The following MTA3 variants were observed in gnomAD, a reference collection of about 807,000 sequenced individuals.
MTA3 encodes the protein metastasis-associated protein MTA3.
MTA3 carries 34 observed loss-of-function variants against 83.5 expected under a neutral mutation model. That is an observed-to-expected ratio of 0.41 (90% CI 0.31 to 0.54). The LOEUF (loss-of-function observed/expected upper bound fraction) is 0.54, where lower values mean the gene tolerates loss of function less well. Ranked by LOEUF, MTA3 falls within the 20% of genes least tolerant of loss-of-function variation. The pLI is 0.33. For missense variants in MTA3, 761 were observed against 726.4 expected (o/e 1.05, Z -0.55); for synonymous variants, 303 against 252.7 (o/e 1.20, Z -1.89).
At chr2:42,669,879 GA>G (rs1221156877) in intron 8 of MTA3, among the ~76,000 whole-genome samples, 2 of 152,190 alleles carry the variant, frequency 1.3e-5, no homozygotes, top group Non-Finnish European at 2.9e-5. Context: ...GGGAGAAATA[GA>G]AAGAGAATTG....
intron 16 of MTA3, among the ~76,000 whole-genome samples, chr2:42,747,158 C>T (rs990427398): frequency 2.0e-5 from 3 of 152,100 alleles, no homozygotes; most frequent in African/African-American, 7.2e-5. Flanking sequence ...TGCCACCATT[C>T]CCAGCTAATT....
chr2:42,528,660 C>G (rs982259334), intron 2 of MTA3, among the ~76,000 whole-genome samples: 1 of 152,202 alleles, frequency 6.6e-6, no homozygotes, highest in Non-Finnish European at 1.5e-5. Context: ...GTGTGATCTT[C>G]GGAAAATTGC....
intron 5 of MTA3, among the ~76,000 whole-genome samples, chr2:42,641,023 C>A (rs1395687101): frequency 6.6e-6 from 1 of 152,124 alleles, no homozygotes; most frequent in African/African-American, 2.4e-5. Flanking sequence ...TCTCATGCTT[C>A]AGCCTCCTGA....
chr2:42,594,248 T>C (rs1298184839), intron 3 of MTA3, among the ~76,000 whole-genome samples: 384 of 31,982 alleles, frequency 0.012, 1 homozygote, highest in African/African-American at 0.065. Flanking sequence ...AGGCCCCTTT[T>C]TTTTTTTTTT....
chr2:42,748,001 A>G (rs1383994881), intron 16 of MTA3, among the ~76,000 whole-genome samples: 3 of 151,082 alleles, frequency 2.0e-5, no homozygotes, highest in African/African-American at 7.3e-5. Flanking sequence ...GTTTTTTGCC[A>G]CTATAGATTC....
At chr2:42,680,930 C>T (rs564743556) in intron 8 of MTA3, among the ~76,000 whole-genome samples, 2 of 151,784 alleles carry the variant, frequency 1.3e-5, no homozygotes, top group East Asian at 1.9e-4. Context: ...TTTGTAGAGA[C>T]GGGGTTTCAC....
At chr2:42,640,302 AATTT>A in intron 5 of MTA3, 66 bp downstream of exon 5, 2 of 1,135,890 alleles carry the variant, frequency 1.8e-6, no homozygotes, top group South Asian at 1.4e-5. Context: ...CTTTCCTTGG[AATTT>A]ATTTCTTTTT....
In MTA3 at chr2:42,507,140, A is replaced by G. The variant is rs183798923; in HGVS notation, c.-141+11886A>G. On this transcript the variant is annotated intron_variant, in intron 2 of 17. Coordinates refer to the MTA3 transcript ENST00000405592. ...GGTTCCCAGCTCCTGGGCTCAAGCA[A>G]TCTTCCCACCTCGGCTTCCAAAAGT... is the stretch of plus-strand genomic sequence containing the variant. Among the ~76,000 whole-genome samples, 8 of 152,210 alleles carry G rather than the reference A, an allele frequency of 5.3e-5. No homozygotes were observed. The East Asian group carries it at 5.8e-4, about 11-fold the overall frequency.
At chr2:42,597,149 C>T (rs574757725) in intron 3 of MTA3, among the ~76,000 whole-genome samples, 2 of 152,026 alleles carry the variant, frequency 1.3e-5, no homozygotes, top group Non-Finnish European at 2.9e-5. Flanking sequence ...TGAGCTCAGG[C>T]AATCCGCCCA....
chr2:42,608,519 C>T (rs1239092297), intron 3 of MTA3, among the ~76,000 whole-genome samples: 1 of 151,860 alleles, frequency 6.6e-6, no homozygotes, highest in African/African-American at 2.4e-5. Flanking sequence ...AGATCTGATA[C>T]TTACTCCATT....
intron 2 of MTA3, among the ~76,000 whole-genome samples, chr2:42,501,669 C>T (rs1434394692): frequency 6.6e-6 from 1 of 152,172 alleles, no homozygotes. Context: ...GAGAATCGGA[C>T]AGCCCATGCT....
chr2:42,591,807 C>T (rs1261044948), intron 3 of MTA3, among the ~76,000 whole-genome samples: 2 of 152,054 alleles, frequency 1.3e-5, no homozygotes, highest in East Asian at 1.9e-4. Context: ...CACACCACCA[C>T]GCCCAGCTAA....
chr2:42,521,281 G>A (rs1262330463), intron 2 of MTA3, among the ~76,000 whole-genome samples: 1 of 152,146 alleles, frequency 6.6e-6, no homozygotes, highest in Admixed American at 6.6e-5. Flanking sequence ...GACATCTCTG[G>A]CCAGCAATCA....
intron 12 of MTA3, among the ~76,000 whole-genome samples, chr2:42,707,187 C>A (rs1411785864): frequency 1.3e-5 from 2 of 152,016 alleles, no homozygotes; most frequent in African/African-American, 4.8e-5. Flanking sequence ...CCCTGAGTAC[C>A]TTAAATAATC....
intron 2 of MTA3, among the ~76,000 whole-genome samples, chr2:42,548,667 G>A (rs1055178524): frequency 7.5e-5 from 11 of 146,050 alleles, no homozygotes; most frequent in African/African-American, 2.3e-4. Flanking sequence ...GCCAGGTGTG[G>A]TGGCACACAC....
At chr2:42,541,955 A>C (rs1006428108) in intron 2 of MTA3, among the ~76,000 whole-genome samples, 2 of 152,142 alleles carry the variant, frequency 1.3e-5, no homozygotes, top group Non-Finnish European at 2.9e-5. Context: ...ATGGGCCCAA[A>C]AACCAGCCTC....
intron 6 of MTA3, among the ~76,000 whole-genome samples, chr2:42,646,016 C>T (rs1430897073): frequency 1.3e-5 from 2 of 152,202 alleles, no homozygotes; most frequent in Non-Finnish European, 2.9e-5. Flanking sequence ...TGAAGCCAAT[C>T]CTCGTTTACC....
chr2:42,650,487 T>C (rs1484294985), intron 6 of MTA3, among the ~76,000 whole-genome samples: 1 of 152,180 alleles, frequency 6.6e-6, no homozygotes, highest in Non-Finnish European at 1.5e-5. Context: ...TCACCCAGGC[T>C]GGAGTGCAGT....
intron 6 of MTA3, among the ~76,000 whole-genome samples, chr2:42,645,610 G>A (rs539434452): frequency 3.3e-5 from 5 of 152,186 alleles, no homozygotes; most frequent in South Asian, 4.2e-4. Context: ...TCTTAGTGGC[G>A]TAGATAGAAT....
Sources: allele counts gnomAD v4.1 joint callset (sites outside exome capture counted in the v4.1 genomes callset), GRCh38; gene constraint gnomAD v4.1.1; transcripts MANE v1.5; gene names NCBI Gene and HGNC (gene_info 2026-07-23, HGNC 2026-07-21).